XKR4: variants seen among roughly 807,000 people sequenced by gnomAD.
The protein encoded by XKR4 is XK-related protein 4.
In XKR4, 12 loss-of-function variants were observed where a neutral mutation model predicts 53.9. The ratio of observed to expected loss-of-function variants is 0.22; its 90% confidence interval spans 0.14 to 0.36. The LOEUF (loss-of-function observed/expected upper bound fraction) is 0.36. XKR4 is among the 10% of genes least tolerant of loss of function. XKR4 has a pLI of 1.00. For synonymous variants in XKR4, 354 were observed against 362.4 expected, an observed-to-expected ratio of 0.98 and a Z score of 0.26; for missense variants, 799 against 859.5, an observed-to-expected ratio of 0.93 and a Z score of 0.88.
intron 2 of XKR4, chr8:55,450,985 G>T: frequency 1.9e-6 from 1 of 535,832 alleles, no homozygotes; most frequent in Admixed American, 2.5e-5. Context: ...GGGCAGCCCA[G>T]GACACATGCC....
At position 55,153,553 on chromosome 8, in the gene XKR4, A is replaced by G. The variant is rs1056814032; in HGVS notation, c.806+50259A>G. Among the ~76,000 whole-genome samples, 7 of 152,344 alleles carry G rather than the reference A, an allele frequency of 4.6e-5. No homozygotes were observed. The East Asian group carries it at 1.2e-3, about 25-fold the overall frequency. On this transcript the variant is annotated intron_variant, in intron 1 of 2. Coordinates refer to ENST00000327381, the MANE Select transcript of XKR4 (RefSeq NM_052898.2). Reference sequence around the variant, plus strand: ...CACTACAATGATAAAAATAAAATCAATGTGGGACAAGTTGAATCACATGTT... The same window carrying G: ...CACTACAATGATAAAAATAAAATCAGTGTGGGACAAGTTGAATCACATGTT...
intron 1 of XKR4, among the ~76,000 whole-genome samples, chr8:55,273,955 T>A (rs964710246): frequency 2.6e-5 from 4 of 151,962 alleles, no homozygotes; most frequent in Non-Finnish European, 5.9e-5. Context: ...AAGGAGAGGG[T>A]AGATATGAAG....
chr8:55,337,966 C>G (rs975072870), intron 1 of XKR4, among the ~76,000 whole-genome samples: 1 of 152,190 alleles, frequency 6.6e-6, no homozygotes, highest in Non-Finnish European at 1.5e-5. Flanking sequence ...TTGCTATGAA[C>G]AGCATGTCTC....
At chr8:55,450,116 C>G (rs1563353192) in intron 2 of XKR4, 1 of 698,204 alleles carries the variant, frequency 1.4e-6, no homozygotes, top group African/African-American at 1.8e-5. Context: ...CAGCGCTTAG[C>G]GGGTCGGCTC....
chr8:55,497,137 G>A (rs186575407), intron 2 of XKR4, among the ~76,000 whole-genome samples: 6 of 152,298 alleles, frequency 3.9e-5, no homozygotes, highest in Admixed American at 3.9e-4. Flanking sequence ...TTTTTGAGCT[G>A]TAAAAGCAAA....
chr8:55,266,452 A>G lies in XKR4; in HGVS notation c.807-91226A>G, dbSNP rs374302706. On this transcript the variant is annotated intron_variant, in intron 1 of 2. Transcript: ENST00000327381. ...CACAGATTTAATCTGCGAAGAGGGT[A>G]ATAGAGCAGAAAGAGTGCCCGTGAC... 2.4e-4 allele frequency among the ~76,000 whole-genome samples: 37 copies of G among 152,258 alleles called. 1 individual carries two copies. In the South Asian group the frequency reaches 7.3e-3, roughly 30 times the overall value.
chr8:55,453,411 C>A, intron 2 of XKR4: 1 of 419,414 alleles, frequency 2.4e-6, no homozygotes, highest in Non-Finnish European at 4.9e-6. Flanking sequence ...CACTTCAGGG[C>A]CCTCAGCACA....
intron 2 of XKR4, among the ~76,000 whole-genome samples, chr8:55,380,851 T>G (rs2129387452): frequency 6.6e-6 from 1 of 152,346 alleles, no homozygotes; most frequent in South Asian, 2.1e-4. Context: ...AACCAAACAC[T>G]GAAAAGGTGA....
In XKR4 at chr8:55,272,646, C is replaced by G. The variant is rs1818708032; in HGVS notation, c.807-85032C>G. 2.0e-5 allele frequency among the ~76,000 whole-genome samples: 3 copies of G among 152,306 alleles called. No homozygotes were observed. The South Asian group carries it at 6.2e-4, about 32-fold the overall frequency. On this transcript the variant is annotated intron_variant, in intron 1 of 2. Coordinates refer to ENST00000327381, the MANE Select transcript of XKR4 (RefSeq NM_052898.2). ...TCTTCCCTGCCAGTATGTTCAGTGC[C>G]TGCATGCCTCTCTCACAGAGTAACT...
chr8:55,117,531 A>T (rs987904124), intron 1 of XKR4, among the ~76,000 whole-genome samples: 2 of 152,170 alleles, frequency 1.3e-5, no homozygotes, highest in Non-Finnish European at 2.9e-5. Flanking sequence ...GTGCCATTGT[A>T]GCTTGCCATG....
At chr8:55,146,254 C>T (rs1005573186) in intron 1 of XKR4, among the ~76,000 whole-genome samples, 2 of 152,182 alleles carry the variant, frequency 1.3e-5, no homozygotes, top group Admixed American at 6.5e-5. Flanking sequence ...CTTCCTAAAC[C>T]GCTGACATGA....
chr8:55,105,597 T>C (rs1816132131), intron 1 of XKR4, among the ~76,000 whole-genome samples: 1 of 152,170 alleles, frequency 6.6e-6, no homozygotes, highest in South Asian at 2.1e-4. Context: ...ATTCTGGAAA[T>C]ATTTGTCAAC....
intron 1 of XKR4, among the ~76,000 whole-genome samples, chr8:55,290,893 C>A (rs1819009412): frequency 6.6e-6 from 1 of 152,024 alleles, no homozygotes; most frequent in Admixed American, 6.6e-5. Flanking sequence ...ATTTTTATGT[C>A]ACCTAATTTG....
At chr8:55,119,433 G>C (rs116212614) in intron 1 of XKR4, among the ~76,000 whole-genome samples, 300 of 152,278 alleles carry the variant, frequency 2.0e-3, no homozygotes, top group African/African-American at 7.0e-3. Context: ...AAAAAAAAAG[G>C]AATGGGCAAA....
intron 2 of XKR4, chr8:55,454,229 G>T (rs1805514995): frequency 1.8e-6 from 2 of 1,134,118 alleles, no homozygotes; most frequent in South Asian, 1.2e-5. Context: ...CTCAGGGATG[G>T]TCACCGTCTC....
chr8:55,475,459 C>G (rs2129400548), intron 2 of XKR4, among the ~76,000 whole-genome samples: 1 of 151,998 alleles, frequency 6.6e-6, no homozygotes. Context: ...CTCTGTCATC[C>G]AGGCTGGAGA....
At chr8:55,371,256 A>G (rs1804066492) in intron 2 of XKR4, among the ~76,000 whole-genome samples, 2 of 152,008 alleles carry the variant, frequency 1.3e-5, no homozygotes, top group South Asian at 4.2e-4. Flanking sequence ...AAAGATAGCA[A>G]TGTGAACAAA....
intron 2 of XKR4, among the ~76,000 whole-genome samples, chr8:55,466,701 C>A (rs1805778441): frequency 6.6e-6 from 1 of 152,040 alleles, no homozygotes; most frequent in African/African-American, 2.4e-5. Flanking sequence ...TCAGTTGCCA[C>A]TTTGGTTTAA....
chr8:55,445,956 C>A (rs1805340585), intron 2 of XKR4, among the ~76,000 whole-genome samples: 1 of 152,234 alleles, frequency 6.6e-6, no homozygotes, highest in African/African-American at 2.4e-5. Flanking sequence ...CGACTGCATA[C>A]TTCTGAGAAT....
Sources: allele counts gnomAD v4.1 joint callset (sites outside exome capture counted in the v4.1 genomes callset), GRCh38; gene constraint gnomAD v4.1.1; transcripts MANE v1.5; gene names NCBI Gene and HGNC (gene_info 2026-07-23, HGNC 2026-07-21).